PPP1R12B: variants seen among roughly 807,000 people sequenced by gnomAD.
PPP1R12B encodes myosin phosphatase target subunit 2.
Under a neutral mutation model 126.1 loss-of-function variants are expected in PPP1R12B, and 76 were observed. The observed-to-expected ratio is 0.60, with a 90% CI of 0.50 to 0.73. The LOEUF is 0.73. Among genes scored for constraint, PPP1R12B ranks in the 30% least tolerant of loss-of-function variants. The pLI is 0.00. For synonymous variants in PPP1R12B, 356 were observed against 434.7 expected, an observed-to-expected ratio of 0.82 and a Z score of 2.25; for missense variants, 1,052 against 1,205.1, an observed-to-expected ratio of 0.87 and a Z score of 1.88.
At chr1:202,486,218 T>A (rs1252461752) in intron 13 of PPP1R12B, among the ~76,000 whole-genome samples, 3 of 152,026 alleles carry the variant, frequency 2.0e-5, no homozygotes, top group African/African-American at 4.8e-5. Flanking sequence ...ATACATTTTT[T>A]AATTTTTAAA....
At chr1:202,396,858 T>C (rs1665059206) in intron 1 of PPP1R12B, among the ~76,000 whole-genome samples, 1 of 152,170 alleles carries the variant, frequency 6.6e-6, no homozygotes, top group Non-Finnish European at 1.5e-5. Flanking sequence ...TCTACCTATG[T>C]CTGAGGCATT....
At chr1:202,365,475 C>A (rs1237823158) in intron 1 of PPP1R12B, among the ~76,000 whole-genome samples, 2 of 152,014 alleles carry the variant, frequency 1.3e-5, no homozygotes, top group African/African-American at 4.8e-5. Flanking sequence ...CTGCTTTATA[C>A]CAAGTGTTGC....
At chr1:202,417,079 A>G (rs1488049991) in intron 2 of PPP1R12B, among the ~76,000 whole-genome samples, 162 bp downstream of exon 2, 2 of 152,210 alleles carry the variant, frequency 1.3e-5, no homozygotes, top group Admixed American at 6.5e-5. Flanking sequence ...AACTAATACA[A>G]TGTTTTGTAA....
At chr1:202,452,047 G>T (rs1260980794) in intron 13 of PPP1R12B, among the ~76,000 whole-genome samples, 1 of 151,684 alleles carries the variant, frequency 6.6e-6, no homozygotes, top group Non-Finnish European at 1.5e-5. Context: ...CCGGGCAGAG[G>T]CGCTCCTCAC....
rs967188816 is a variant in PPP1R12B, at chr1:202,588,879, G to T, written c.*8319G>T. 1 of 119,958 alleles carries T rather than the reference G, an allele frequency of 8.3e-6. No homozygotes were observed. The highest frequency in any genetic ancestry group is 1.8e-5 in the Non-Finnish European group (1 of 54,476). 7.4% of individuals were successfully genotyped at this position (119,958 alleles called of 1,614,324 possible). On this transcript the variant is annotated 3_prime_UTR_variant, in exon 24 of 24. Transcript: ENST00000608999. ...GATAGATAGATAGATAGATATCAAG[G>T]TTCCAAGCTTCAAGTAACCAAGAGT...
intron 4 of PPP1R12B, 107 bp from the exon 5 acceptor site, chr1:202,426,933 C>T (rs1349662853): frequency 6.2e-6 from 9 of 1,458,910 alleles, no homozygotes; most frequent in Admixed American, 2.4e-5. Flanking sequence ...TCATAAGACC[C>T]CTGTGGTTCA....
At chr1:202,552,684 G>A (rs913791475) in intron 18 of PPP1R12B, among the ~76,000 whole-genome samples, 3 of 152,124 alleles carry the variant, frequency 2.0e-5, no homozygotes, top group African/African-American at 4.8e-5. Context: ...AATATAAAAT[G>A]TTCCTTCTGC....
rs1257525249 is a variant in PPP1R12B at position 202,586,244 on chromosome 1, C to G, written c.*5684C>G. 1 of 152,370 alleles carries G rather than the reference C, an allele frequency of 6.6e-6. No individual in the cohort carries two copies. The highest frequency in any genetic ancestry group is 1.5e-5 in the Non-Finnish European group (1 of 68,134). 9.4% of individuals were successfully genotyped at this position (152,370 alleles called of 1,614,324 possible). On this transcript the variant is annotated 3_prime_UTR_variant, in exon 24 of 24. Coordinates refer to ENST00000608999, the MANE Select transcript of PPP1R12B (RefSeq NM_002481.4). ...GCACTTGGCTTTCACAAGCCTCCTA[C>G]AGGACCTGGTGTAATTGGAGTGAAA...
chr1:202,418,611 T>C (rs942667270), intron 2 of PPP1R12B, among the ~76,000 whole-genome samples: 6 of 152,196 alleles, frequency 3.9e-5, no homozygotes, highest in Admixed American at 6.5e-5. Context: ...AGCTACTGTT[T>C]CCTAAGACAG....
intron 1 of PPP1R12B, among the ~76,000 whole-genome samples, chr1:202,395,959 A>G (rs1664921020): frequency 6.6e-6 from 1 of 152,036 alleles, no homozygotes; most frequent in Non-Finnish European, 1.5e-5. Flanking sequence ...TTGTCTGGAA[A>G]CCCAGTCGTA....
intron 4 of PPP1R12B, 149 bp from the exon 5 acceptor site, chr1:202,426,891 A>T: frequency 2.6e-6 from 3 of 1,158,422 alleles, no homozygotes; most frequent in Admixed American, 3.0e-5. Context: ...TTAACTATGA[A>T]ACCCAAACTG....
Position 202,580,402 on chromosome 1 carries a change from C to CT in PPP1R12B, c.2863-71dup, listed in dbSNP as rs937030209. The CT allele has an allele frequency of 4.5e-5, 55 of 1,222,078 alleles. No homozygotes were observed. In the African/African-American group the frequency reaches 7.6e-4, roughly 17 times the overall value. The allele number at this position is 1,222,078 out of a possible 1,614,324, so 75.7% of individuals were successfully genotyped here. A position where few individuals can be genotyped will look rare whatever the true frequency, so the allele number is the denominator to read the frequency against. On this transcript the variant is annotated intron_variant, in intron 23 of 23. Coordinates refer to ENST00000608999, the MANE Select transcript of PPP1R12B (RefSeq NM_002481.4). ...AAAAGGCCCTGCTCACCAGGCTGGC[C>CT]TGGCCTGGTCAGGGAGGGCCAAGGA...
intron 19 of PPP1R12B, among the ~76,000 whole-genome samples, chr1:202,561,333 A>G (rs1389811485): frequency 6.6e-6 from 1 of 152,024 alleles, no homozygotes. Flanking sequence ...AGTGTCTATC[A>G]TAGAAGATTA....
At chr1:202,393,390 GTGTT>G (rs1285286198) in intron 1 of PPP1R12B, among the ~76,000 whole-genome samples, 1 of 151,012 alleles carries the variant, frequency 6.6e-6, no homozygotes, top group Non-Finnish European at 1.5e-5. Flanking sequence ...AATCGAAACA[GTGTT>G]TTTTTTTTTC....
At chr1:202,442,714 T>C in intron 12 of PPP1R12B, 142 bp downstream of exon 12, 1 of 916,882 alleles carries the variant, frequency 1.1e-6, no homozygotes. Flanking sequence ...AGAATTAACA[T>C]CTTGAATAAT....
chr1:202,417,698 C>A (rs1184568372), intron 2 of PPP1R12B, among the ~76,000 whole-genome samples: 4 of 152,040 alleles, frequency 2.6e-5, no homozygotes, highest in Non-Finnish European at 2.9e-5. Context: ...GGTAAATTTC[C>A]TAAATAAAAT....
chr1:202,456,359 C>T (rs888905491), intron 13 of PPP1R12B, among the ~76,000 whole-genome samples: 7 of 151,840 alleles, frequency 4.6e-5, no homozygotes, highest in Admixed American at 2.0e-4. Context: ...GTAGATGGAA[C>T]TTATAAGGCT....
intron 1 of PPP1R12B, among the ~76,000 whole-genome samples, chr1:202,387,615 G>A (rs1194532490): frequency 2.0e-5 from 3 of 151,804 alleles, no homozygotes; most frequent in South Asian, 2.1e-4. Flanking sequence ...TCCTGATTCC[G>A]GTAAGGTAGA....
At position 202,488,578 on chromosome 1, in the gene PPP1R12B, G is replaced by A. The variant is rs1409261944; in HGVS notation, c.1896G>A (p.Arg632=). The A allele has an allele frequency of 2.5e-6, 4 of 1,613,020 alleles. No individual in the cohort carries two copies. In the South Asian group the frequency reaches 4.4e-5, roughly 18 times the overall value. ...PVRDEEAESL[R]KARSRQARQT... ...GGGATGAGGAAGCAGAGTCTTTACG[G>A]AAAGCACGCTCCAGACAAGCTCGGC... is the stretch of plus-strand genomic sequence containing the variant. Residue 632 remains arginine, a synonymous_variant, in exon 14 of 24, where the codon CGG becomes CGA. Coordinates refer to ENST00000608999, the MANE Select transcript of PPP1R12B (RefSeq NM_002481.4).
Sources: allele counts gnomAD v4.1 joint callset (sites outside exome capture counted in the v4.1 genomes callset), GRCh38; gene constraint gnomAD v4.1.1; transcripts MANE v1.5; gene names NCBI Gene and HGNC (gene_info 2026-07-23, HGNC 2026-07-21).